METTL15: variants seen among roughly 807,000 people sequenced by gnomAD.
METTL15 encodes the protein methyltransferase 15, mitochondrial 12S rRNA N4-cytidine.
In METTL15, 34 loss-of-function variants were observed where a neutral mutation model predicts 38.3. That is an observed-to-expected ratio of 0.89 (90% CI 0.68 to 1.18). The LOEUF is 1.18. METTL15 is among the 50% of genes most tolerant of loss of function. METTL15 has a pLI of 0.00. For synonymous variants in METTL15, 162 were observed against 170.9 expected (o/e 0.95, Z 0.41); for missense variants, 438 against 498.4 (o/e 0.88, Z 1.15).
chr11:28,432,255 A>AT (rs1419272353), intron 6 of METTL15, among the ~76,000 whole-genome samples: 1 of 152,224 alleles, frequency 6.6e-6, no homozygotes, highest in African/African-American at 2.4e-5. Context: ...ACTTGCTGCT[A>AT]TTTTAACTGT....
At chr11:28,391,828 A>T (rs1380900579) in intron 5 of METTL15, among the ~76,000 whole-genome samples, 2 of 152,218 alleles carry the variant, frequency 1.3e-5, no homozygotes, top group Non-Finnish European at 2.9e-5. Flanking sequence ...GATGGGTTAA[A>T]GACTTAAATG....
intron 6 of METTL15, among the ~76,000 whole-genome samples, chr11:28,469,114 T>C (rs1446225736): frequency 6.6e-6 from 1 of 152,158 alleles, no homozygotes; most frequent in African/African-American, 2.4e-5. Flanking sequence ...GATCTTGCAT[T>C]TTTAGTGCCA....
chr11:28,151,854 GCTGTTCTTCAAGAC>G (rs1168713911), intron 3 of METTL15, among the ~76,000 whole-genome samples: 4 of 151,960 alleles, frequency 2.6e-5, no homozygotes, highest in African/African-American at 9.7e-5. Context: ...TAGGCTTATA[GCTGTTCTTCAAGAC>G]CTGTCAATTT....
intron 6 of METTL15, among the ~76,000 whole-genome samples, chr11:28,478,876 C>T (rs891362485): frequency 7.2e-5 from 11 of 151,804 alleles, no homozygotes; most frequent in African/African-American, 2.4e-4. Context: ...TTGTAAAAAG[C>T]TTAAATTCCA....
chr11:28,217,133 C>A (rs2133853230), intron 4 of METTL15, among the ~76,000 whole-genome samples: 1 of 152,256 alleles, frequency 6.6e-6, no homozygotes, highest in Middle Eastern at 3.4e-3. Context: ...TGAGGAATCG[C>A]CACACTGACT....
intron 4 of METTL15, among the ~76,000 whole-genome samples, chr11:28,356,557 T>A (rs964037054): frequency 1.3e-5 from 2 of 151,950 alleles, no homozygotes; most frequent in African/African-American, 4.8e-5. Context: ...AAGGCCAGGG[T>A]TTGTTTAGAA....
At chr11:28,522,654 A>G (rs2133513468) in intron 6 of METTL15, among the ~76,000 whole-genome samples, 1 of 152,316 alleles carries the variant, frequency 6.6e-6, no homozygotes, top group Admixed American at 6.5e-5. Flanking sequence ...TTTCACCATC[A>G]CAAGAAGGCA....
chr11:28,123,111 T>A lies in METTL15; in HGVS notation c.270+9507T>A, dbSNP rs192135737. On this transcript the variant is annotated intron_variant, in intron 3 of 6. Transcript: ENST00000407364. ...AGACATGACCCAGGCAGAAAACAGG[T>A]TCATTGTATATGAGAAGCTCATAGA... is the stretch of plus-strand genomic sequence containing the variant. Among the ~76,000 whole-genome samples, 109 of 152,182 alleles carry A rather than the reference T, an allele frequency of 7.2e-4. 2 individuals carry two copies. The Middle Eastern group carries it at 0.027, about 38-fold the overall frequency.
At chr11:28,111,334 T>C (rs1234662660) in intron 2 of METTL15, among the ~76,000 whole-genome samples, 1 of 152,216 alleles carries the variant, frequency 6.6e-6, no homozygotes, top group East Asian at 1.9e-4. Flanking sequence ...GAATTGATGA[T>C]ACTACTTTTC....
At chr11:28,434,024 T>A (rs528332768) in intron 6 of METTL15, among the ~76,000 whole-genome samples, 2 of 152,202 alleles carry the variant, frequency 1.3e-5, no homozygotes, top group Non-Finnish European at 2.9e-5. Flanking sequence ...GTGATCTACT[T>A]TGGCTGTTTC....
chr11:28,229,586 A>G (rs1330174494), intron 4 of METTL15, among the ~76,000 whole-genome samples: 7 of 152,012 alleles, frequency 4.6e-5, no homozygotes. Flanking sequence ...AAAAGATTGC[A>G]GGGAGTTGCT....
intron 6 of METTL15, among the ~76,000 whole-genome samples, chr11:28,505,132 C>G (rs1415044730): frequency 6.6e-6 from 1 of 152,116 alleles, no homozygotes; most frequent in African/African-American, 2.4e-5. Flanking sequence ...AAGGTGATAA[C>G]TAGAATTTTT....
At chr11:28,221,829 G>C (rs946571205) in intron 4 of METTL15, among the ~76,000 whole-genome samples, 2 of 152,202 alleles carry the variant, frequency 1.3e-5, no homozygotes, top group Non-Finnish European at 2.9e-5. Context: ...TCCAGACCCT[G>C]TTTGCCTGGG....
chr11:28,326,772 T>G (rs1398246763), intron 6 of METTL15, among the ~76,000 whole-genome samples: 1 of 151,754 alleles, frequency 6.6e-6, no homozygotes, highest in East Asian at 1.9e-4. Flanking sequence ...TTTTTGTTTT[T>G]GTTTTTGTTT....
intron 6 of METTL15, among the ~76,000 whole-genome samples, chr11:28,445,098 G>C (rs1445325287): frequency 6.6e-6 from 1 of 152,130 alleles, no homozygotes; most frequent in Non-Finnish European, 1.5e-5. Context: ...GAAAGCAGGA[G>C]TCCGAGGCTG....
rs568931212 is a variant in METTL15 at position 28,452,474 on chromosome 11, G to A, written c.*424+28110G>A. Among the ~76,000 whole-genome samples, 3 of 152,240 alleles carry A rather than the reference G, an allele frequency of 2.0e-5. No individual in the cohort carries two copies. The East Asian group carries it at 5.8e-4, about 29-fold the overall frequency. ...ATACCTAAAGTGGTTTACTTGGTGAGAAACAATGCTGTATGTGATACATAA... is the reference window on the plus strand; with the variant it reads ...ATACCTAAAGTGGTTTACTTGGTGAAAAACAATGCTGTATGTGATACATAA... On this transcript the variant is annotated intron_variant and NMD_transcript_variant, in intron 6 of 7. Transcript: ENST00000532947.
intron 6 of METTL15, chr11:28,328,151 A>G (rs1849698511): frequency 1.2e-6 from 2 of 1,611,622 alleles, no homozygotes; most frequent in African/African-American, 1.3e-5. Flanking sequence ...AAATGGACGA[A>G]TTGAATAGCA....
At position 28,233,499 on chromosome 11, in the gene METTL15, G is replaced by T. The variant is rs185623354; in HGVS notation, c.407+22301G>T. Among the ~76,000 whole-genome samples the T allele has an allele frequency of 9.9e-5, 15 of 151,742 alleles. No individual in the cohort carries two copies. In the East Asian group the frequency reaches 2.7e-3, roughly 27 times the overall value. ...AACTTAAAGGATAAAAGTCCCTCTG[G>T]AATACAACACTGCATTCAGTTTTCC... On this transcript the variant is annotated intron_variant, in intron 4 of 6. Transcript: ENST00000407364.
chr11:28,296,340 G>A (rs1456701869), intron 5 of METTL15, among the ~76,000 whole-genome samples: 1 of 152,010 alleles, frequency 6.6e-6, no homozygotes, highest in African/African-American at 2.4e-5. Context: ...TCTTGAGTTA[G>A]ACTTTTTAAA....
Sources: gnomAD v4.1 joint callset for allele counts (sites outside exome capture counted in the v4.1 genomes callset) on GRCh38, gnomAD v4.1.1 for gene constraint, MANE v1.5 for transcripts, NCBI Gene and HGNC (gene_info 2026-07-23, HGNC 2026-07-21) for gene names.